Variants in MYO18B observed in about 807,000 individuals in gnomAD.
MYO18B encodes myosin XVIIIB, also known as unconventional myosin-XVIIIb.
A neutral mutation model predicts 273.0 loss-of-function variants in MYO18B; 204 were observed. The observed-to-expected ratio is 0.75, with a 90% CI of 0.67 to 0.84. The LOEUF is 0.84. Ranked by LOEUF, MYO18B falls within the 40% of genes least tolerant of loss-of-function variation. The pLI is 0.00. For missense variants in MYO18B, 3,212 were observed against 3,287.6 expected (o/e 0.98, Z 0.56); for synonymous variants, 1,330 against 1,305.7 (o/e 1.02, Z -0.40).
chr22:25,952,337 C>G lies in MYO18B; in HGVS notation c.5884C>G (p.Arg1962Gly). The change falls in exon 38 of 44, where the codon CGA becomes GGA. Residue 1962 changes from arginine to glycine, a missense_variant. Physicochemically the swap from Arg to Gly is moderately radical, Grantham distance 125. Coordinates refer to ENST00000335473, the MANE Select transcript of MYO18B (RefSeq NM_032608.7). Reference sequence around the variant, plus strand: ...GTACCTGGAACAGTCCACCGTGGATCGAGCCATCGTCAGCAGGCAGGAGGC... The same window carrying G: ...GTACCTGGAACAGTCCACCGTGGATGGAGCCATCGTCAGCAGGCAGGAGGC... ...IEYLEQSTVD[R>G]AIVSRQEAVI... 3 of 1,611,890 alleles carry G rather than the reference C, an allele frequency of 1.9e-6. No individual in the cohort carries two copies. Among genetic ancestry groups the G allele is most frequent in the Non-Finnish European group, 2.5e-6 (3 of 1,179,106 alleles).
chr22:25,888,584 C>A (rs1023726965), intron 25 of MYO18B, among the ~76,000 whole-genome samples: 1 of 152,152 alleles, frequency 6.6e-6, no homozygotes, highest in Admixed American at 6.5e-5. Flanking sequence ...TTTTAACAAC[C>A]ATCTGAGGTC....
At chr22:25,782,685 T>C (rs1194238923) in intron 10 of MYO18B, among the ~76,000 whole-genome samples, 1 of 152,202 alleles carries the variant, frequency 6.6e-6, no homozygotes, top group African/African-American at 2.4e-5. Context: ...AACCTCACCA[T>C]TGTTTGTTCC....
At chr22:25,963,682 C>A (rs577419951) in intron 39 of MYO18B, among the ~76,000 whole-genome samples, 1 of 151,164 alleles carries the variant, frequency 6.6e-6, no homozygotes, top group Non-Finnish European at 1.5e-5. Flanking sequence ...AAGAGCATTG[C>A]GCTTGGAGTC....
intron 21 of MYO18B, among the ~76,000 whole-genome samples, chr22:25,867,640 T>TTTC (rs1386230295): frequency 1.3e-5 from 2 of 151,518 alleles, no homozygotes; most frequent in African/African-American, 4.9e-5. Context: ...TCTTTCTTTC[T>TTTC]TTTTTTTGAG....
the MYO18B span, among the ~76,000 whole-genome samples, chr22:26,061,135 C>G: frequency 6.6e-6 from 1 of 152,238 alleles, no homozygotes; most frequent in Admixed American, 6.5e-5. Context: ...AGACCCTGGA[C>G]TCCAGTAACA....
At chr22:25,999,248 A>C (rs934298374) in intron 40 of MYO18B, among the ~76,000 whole-genome samples, 1 of 152,112 alleles carries the variant, frequency 6.6e-6, no homozygotes, top group Non-Finnish European at 1.5e-5. Context: ...TGTCATGTCA[A>C]ATGTAACCTA....
intron 37 of MYO18B, among the ~76,000 whole-genome samples, chr22:25,951,194 C>T (rs943821560): frequency 1.3e-5 from 2 of 152,218 alleles, no homozygotes; most frequent in Non-Finnish European, 2.9e-5. Flanking sequence ...ACAGATACAC[C>T]CAGGATCAAT....
intron 22 of MYO18B, among the ~76,000 whole-genome samples, chr22:25,870,957 T>G (rs938102098): frequency 6.6e-6 from 1 of 152,194 alleles, no homozygotes; most frequent in African/African-American, 2.4e-5. Flanking sequence ...GAGTAAGAAG[T>G]CTGTACACCT....
At chr22:25,826,360 C>A in intron 13 of MYO18B, 49 bp from the exon 14 acceptor site, 1 of 1,488,764 alleles carries the variant, frequency 6.7e-7, no homozygotes, top group Non-Finnish European at 9.2e-7. Context: ...TGTCCTTGGC[C>A]CCAGGCAAGA....
rs533271543 is a variant in MYO18B, at chr22:25,772,066, C to T, written c.1693-268C>T. Reference sequence around the variant, plus strand: ...AATTTTGTCAAGTCTGCCTTGGGAGCGTCTCCCCTCATGGTGCATGGAGTG... The same window carrying T: ...AATTTTGTCAAGTCTGCCTTGGGAGTGTCTCCCCTCATGGTGCATGGAGTG... On this transcript the variant is annotated intron_variant, in intron 6 of 43. Coordinates refer to ENST00000335473, the MANE Select transcript of MYO18B (RefSeq NM_032608.7). 3.2e-4 allele frequency among the ~76,000 whole-genome samples: 49 copies of T among 152,328 alleles called. No homozygotes were observed. In the South Asian group the frequency reaches 4.1e-3, roughly 13 times the overall value.
At chr22:25,876,693 T>G (rs2091210062) in intron 24 of MYO18B, among the ~76,000 whole-genome samples, 1 of 152,156 alleles carries the variant, frequency 6.6e-6, no homozygotes, top group Non-Finnish European at 1.5e-5. Context: ...TTTCTTTCAT[T>G]CTTCCCTGTC....
chr22:25,874,165 G>A lies in MYO18B; in HGVS notation c.3952-121G>A, dbSNP rs1469324261. 10 of 1,231,510 alleles carry A rather than the reference G, an allele frequency of 8.1e-6. No homozygotes were observed. The African/African-American group carries it at 9.1e-5, about 11-fold the overall frequency. 76.3% of individuals were successfully genotyped at this position (1,231,510 alleles called of 1,614,324 possible). A position where few individuals can be genotyped will look rare whatever the true frequency, so the allele number is the denominator to read the frequency against. The stretch of plus-strand genomic sequence containing the variant: ...GACTCCCCCACCTCCCACTTAAAGG[G>A]CAACTGCCAACAAATATTGCAGGTG... On this transcript the variant is annotated intron_variant, in intron 22 of 43. Coordinates refer to ENST00000335473, the MANE Select transcript of MYO18B (RefSeq NM_032608.7).
chr22:25,823,468 G>T (rs1569070847), intron 12 of MYO18B, 37 bp from the exon 13 acceptor site: 2 of 1,603,360 alleles, frequency 1.2e-6, no homozygotes, highest in Admixed American at 3.4e-5. Context: ...CATGCCCAAG[G>T]CCTCACTGCC....
chr22:25,875,089 A>G (rs1006709131), intron 23 of MYO18B, among the ~76,000 whole-genome samples: 6 of 152,236 alleles, frequency 3.9e-5, no homozygotes, highest in African/African-American at 1.4e-4. Context: ...ACTCAAGTAT[A>G]TGTACTTGGC....
At chr22:26,057,991 G>T in the MYO18B span, among the ~76,000 whole-genome samples, 1 of 152,108 alleles carries the variant, frequency 6.6e-6, no homozygotes, top group Non-Finnish European at 1.5e-5. Flanking sequence ...GAACCTGGAT[G>T]TGGCTCCATG....
rs143273660 is a variant in MYO18B at position 25,941,440 on chromosome 22, G to A, written c.5518-4697G>A. Among the ~76,000 whole-genome samples, 697 of 152,252 alleles carry A rather than the reference G, an allele frequency of 4.6e-3. 16 individuals carry two copies. Among genetic ancestry groups the A allele is most frequent in the East Asian group, 0.01 (53 of 5,178 alleles). ...CTTTACTACCCACTGCTCTCTGATG[G>A]CTCTTCCTGGAGCTCCTCAGGGGAA... On this transcript the variant is annotated intron_variant, in intron 34 of 43. Transcript: ENST00000335473.
intron 1 of MYO18B, among the ~76,000 whole-genome samples, chr22:25,760,348 G>T (rs554158002): frequency 6.9e-6 from 1 of 145,222 alleles, no homozygotes; most frequent in Non-Finnish European, 1.5e-5. Flanking sequence ...GGAGGTGGAG[G>T]TTGCAGTGAG....
the MYO18B span, among the ~76,000 whole-genome samples, chr22:26,059,122 A>C: frequency 0.27 from 40,715 of 151,920 alleles, 7,729 homozygotes; most frequent in African/African-American, 0.55. Flanking sequence ...GTTTCCCACT[A>C]TGAGGTAGAC....
chr22:26,001,318 T>C (rs1384871066), intron 40 of MYO18B, among the ~76,000 whole-genome samples: 1 of 152,160 alleles, frequency 6.6e-6, no homozygotes, highest in Non-Finnish European at 1.5e-5. Flanking sequence ...TTTACAAAGG[T>C]GTGAGGAAGC....
Sources: gnomAD v4.1 joint callset for allele counts (sites outside exome capture counted in the v4.1 genomes callset) on GRCh38, gnomAD v4.1.1 for gene constraint, MANE v1.5 for transcripts, NCBI Gene and HGNC (gene_info 2026-07-23, HGNC 2026-07-21) for gene names.